The following OSBPL8 variants were observed in gnomAD, a reference collection of about 807,000 sequenced individuals.
The protein encoded by OSBPL8 is oxysterol-binding protein-related protein 8.
A neutral mutation model predicts 125.5 loss-of-function variants in OSBPL8; 59 were observed. The observed-to-expected ratio is 0.47, with a 90% CI of 0.38 to 0.58. The LOEUF (loss-of-function observed/expected upper bound fraction) is 0.58. Among genes scored for constraint, OSBPL8 ranks in the 20% least tolerant of loss-of-function variants. The probability of loss-of-function intolerance (pLI) is 0.00; values close to 1 mark genes in which losing one functional copy is unlikely to be tolerated. For missense variants in OSBPL8, 758 were observed against 1,047.8 expected (o/e 0.72, Z 3.82); for synonymous variants, 330 against 338.9 (o/e 0.97, Z 0.29).
rs966402060 is a variant in OSBPL8 at position 76,352,396 on chromosome 12, A to T, written c.*3493T>A. 1 of 152,574 alleles carries T rather than the reference A, an allele frequency of 6.6e-6. No homozygotes were observed. Among genetic ancestry groups the T allele is most frequent in the African/African-American group, 2.4e-5 (1 of 41,452 alleles). 9.5% of individuals were successfully genotyped at this position (152,574 alleles called of 1,614,324 possible). On this transcript the variant is annotated 3_prime_UTR_variant, in exon 24 of 24. Transcript: ENST00000261183. ...CATCTTCAATTAAAAACTAACAAAAATAAACAGTATGTAAAGAGTAACAAA... is the reference window on the plus strand; with the variant it reads ...CATCTTCAATTAAAAACTAACAAAATTAAACAGTATGTAAAGAGTAACAAA...
At chr12:76,373,937 C>T (rs1952716547) in intron 17 of OSBPL8, among the ~76,000 whole-genome samples, 1 of 152,096 alleles carries the variant, frequency 6.6e-6, no homozygotes, top group African/African-American at 2.4e-5. Flanking sequence ...GCCTTACTAA[C>T]ATCTCTCCTT....
chr12:76,356,162 T>TGGGGGGGGAGGGGGGGG (rs1951977973), intron 23 of OSBPL8, 141 bp from the exon 24 acceptor site: 1 of 131,832 alleles, frequency 7.6e-6, no homozygotes, highest in African/African-American at 3.4e-5. Context: ...TATGTAGGGG[T>TGGGGGGGGAGGGGGGGG]GGGGGGGGGC....
At chr12:76,419,298 ACC>A (rs1869162858) in intron 4 of OSBPL8, among the ~76,000 whole-genome samples, 1 of 152,204 alleles carries the variant, frequency 6.6e-6, no homozygotes, top group Non-Finnish European at 1.5e-5. Context: ...TAGTGTACCT[ACC>A]TGTTACATAA....
At chr12:76,371,244 A>G in intron 19 of OSBPL8, 1 of 429,918 alleles carries the variant, frequency 2.3e-6, no homozygotes, top group Non-Finnish European at 3.8e-6. Flanking sequence ...AAAAATGAGT[A>G]GTTTTGAGCT....
At chr12:76,445,816 C>A (rs964556710) in intron 4 of OSBPL8, among the ~76,000 whole-genome samples, 1 of 152,134 alleles carries the variant, frequency 6.6e-6, no homozygotes, top group African/African-American at 2.4e-5. Flanking sequence ...GAAACAAACA[C>A]TCACCACATG....
At chr12:76,517,088 AC>A (rs1292343653) in intron 1 of OSBPL8, among the ~76,000 whole-genome samples, 1 of 152,192 alleles carries the variant, frequency 6.6e-6, no homozygotes. Context: ...TGCTGGGATT[AC>A]AGGCATGAGC....
At chr12:76,369,925 T>A in intron 19 of OSBPL8, 103 bp from the exon 20 acceptor site, 1 of 1,153,766 alleles carries the variant, frequency 8.7e-7, no homozygotes, top group Non-Finnish European at 1.2e-6. Context: ...AATGCTCACA[T>A]GAATTTCTGG....
intron 1 of OSBPL8, among the ~76,000 whole-genome samples, chr12:76,536,522 T>C (rs1403381933): frequency 1.3e-5 from 2 of 152,168 alleles, no homozygotes; most frequent in African/African-American, 4.8e-5. Flanking sequence ...GCTGGTAAAT[T>C]ACAGCAACAC....
chr12:76,496,098 T>C (rs79280175), intron 1 of OSBPL8, among the ~76,000 whole-genome samples: 1,708 of 152,286 alleles, frequency 0.011, 32 homozygotes, highest in African/African-American at 0.039. Flanking sequence ...CTTTTAACTT[T>C]CGTCTTTTTT....
intron 1 of OSBPL8, among the ~76,000 whole-genome samples, chr12:76,507,880 C>T (rs1287294855): frequency 6.7e-6 from 1 of 149,108 alleles, no homozygotes; most frequent in African/African-American, 2.5e-5. Flanking sequence ...AAGAATATTA[C>T]TGGAAGATGG....
rs79693494 is a variant in OSBPL8, at chr12:76,557,005, T to C, written c.-68+2392A>G. ...ATTCAAGTTGTGTTTCTGTCTTATT[T>C]GCAGGTCATTATTTGTAAGATTAAG... On this transcript the variant is annotated intron_variant, in intron 1 of 23. Transcript: ENST00000261183. 3.2e-3 allele frequency among the ~76,000 whole-genome samples: 491 copies of C among 152,334 alleles called. 5 individuals are homozygous for C. The highest frequency in any genetic ancestry group is 0.011 in the African/African-American group (476 of 41,576).
At chr12:76,454,760 G>A (rs2136770519) in intron 3 of OSBPL8, among the ~76,000 whole-genome samples, 1 of 147,748 alleles carries the variant, frequency 6.8e-6, no homozygotes. Context: ...ACTACAAACA[G>A]CAAGTCCTAG....
At chr12:76,540,420 T>C (rs1050396988) in intron 1 of OSBPL8, among the ~76,000 whole-genome samples, 1 of 151,918 alleles carries the variant, frequency 6.6e-6, no homozygotes, top group Non-Finnish European at 1.5e-5. Flanking sequence ...ATGTATTGAT[T>C]GGTAGAAAAA....
chr12:76,455,938 T>C (rs1806762672), intron 3 of OSBPL8, among the ~76,000 whole-genome samples: 1 of 152,240 alleles, frequency 6.6e-6, no homozygotes, highest in Non-Finnish European at 1.5e-5. Context: ...TACAGTGCCC[T>C]CTGCTGTTTC....
At chr12:76,363,983 T>A (rs1172462236) in intron 21 of OSBPL8, among the ~76,000 whole-genome samples, 1 of 152,134 alleles carries the variant, frequency 6.6e-6, no homozygotes, top group Admixed American at 6.5e-5. Context: ...ATGGCAATTA[T>A]TAAAAAGTCA....
At position 76,378,249 on chromosome 12, in the gene OSBPL8, A is replaced by AAAGAGTCC. The variant is rs564942022; in HGVS notation, c.1729+195_1729+202dup. 3.2e-3 allele frequency among the ~76,000 whole-genome samples: 492 copies of AAAGAGTCC among 152,308 alleles called. 3 individuals are homozygous for AAAGAGTCC. Among genetic ancestry groups the AAAGAGTCC allele is most frequent in the African/African-American group, 0.011 (477 of 41,558 alleles). The stretch of plus-strand genomic sequence containing the variant: ...CTCTTCTGACTAAAGTACACATCAC[A>AAAGAGTCC]AAGAGTCCATTACAGGTGAATTAAT... On this transcript the variant is annotated intron_variant, in intron 16 of 23. Coordinates refer to ENST00000261183, the MANE Select transcript of OSBPL8 (RefSeq NM_020841.5).
intron 21 of OSBPL8, among the ~76,000 whole-genome samples, chr12:76,361,996 T>C (rs73134984): frequency 9.1e-4 from 138 of 152,326 alleles, no homozygotes; most frequent in South Asian, 2.5e-3. Flanking sequence ...ACAAGAAGTA[T>C]TCTCAATTAC....
Position 76,352,401 on chromosome 12 carries a change from C to T in OSBPL8, c.*3488G>A, listed in dbSNP as rs1479181479. 6.6e-6 allele frequency: 1 copy of T among 152,398 alleles called. No homozygotes were observed. Among genetic ancestry groups the T allele is most frequent in the Non-Finnish European group, 1.5e-5 (1 of 67,928 alleles). 9.4% of individuals were successfully genotyped at this position (152,398 alleles called of 1,614,324 possible). A position where few individuals can be genotyped will look rare whatever the true frequency, so the allele number is the denominator to read the frequency against. ...TCAATTAAAAACTAACAAAAATAAA[C>T]AGTATGTAAAGAGTAACAAAAAGTA... On this transcript the variant is annotated 3_prime_UTR_variant, in exon 24 of 24. Transcript: ENST00000261183.
In OSBPL8 at chr12:76,393,466, T is replaced by C. The variant is rs565553557; in HGVS notation, c.758-714A>G. On this transcript the variant is annotated intron_variant, in intron 9 of 23. Coordinates refer to ENST00000261183, the MANE Select transcript of OSBPL8 (RefSeq NM_020841.5). ...TGGCTCACGCCCGTAATCCCAGCAC[T>C]TTGGGAGGCCGAGGCAGGCGGATCA... Among the ~76,000 whole-genome samples, 33 of 152,028 alleles carry C rather than the reference T, an allele frequency of 2.2e-4. No homozygotes were observed. The East Asian group carries it at 5.6e-3, about 26-fold the overall frequency.
Sources: allele counts gnomAD v4.1 joint callset (sites outside exome capture counted in the v4.1 genomes callset), GRCh38; gene constraint gnomAD v4.1.1; transcripts MANE v1.5; gene names NCBI Gene and HGNC (gene_info 2026-07-23, HGNC 2026-07-21).